Variants in PTPRQ observed in about 807,000 individuals in gnomAD.
PTPRQ encodes phosphatidylinositol phosphatase PTPRQ.
Under a neutral mutation model 246.0 loss-of-function variants are expected in PTPRQ, and 199 were observed. The ratio of observed to expected loss-of-function variants is 0.81; its 90% CI spans 0.72 to 0.91. PTPRQ has a LOEUF of 0.91. PTPRQ is among the 40% of genes least tolerant of loss of function. The probability of loss-of-function intolerance (pLI) is 0.00; values close to 1 mark genes in which losing one functional copy is unlikely to be tolerated. For synonymous variants in PTPRQ, 869 were observed against 853.2 expected (o/e 1.02, Z -0.32); for missense variants, 2,624 against 2,528.4 (o/e 1.04, Z -0.81).
chr12:80,574,994 T>A (rs1897246213), intron 25 of PTPRQ, among the ~76,000 whole-genome samples: 1 of 152,098 alleles, frequency 6.6e-6, no homozygotes. Flanking sequence ...ATAGCTGCGT[T>A]TTTTTTCCTT....
At chr12:80,477,079 G>A (rs1271048689) in intron 8 of PTPRQ, among the ~76,000 whole-genome samples, 1 of 152,142 alleles carries the variant, frequency 6.6e-6, no homozygotes, top group African/African-American at 2.4e-5. Flanking sequence ...GTCACTCTTA[G>A]TGACTTTACA....
At position 80,563,679 on chromosome 12, in the gene PTPRQ, C is replaced by A. The variant is rs115082300; in HGVS notation, c.4285+13945C>A. Among the ~76,000 whole-genome samples, 1,020 of 152,234 alleles carry A rather than the reference C, an allele frequency of 6.7e-3. 12 individuals are homozygous for A. Among genetic ancestry groups the A allele is most frequent in the African/African-American group, 0.023 (971 of 41,532 alleles). On this transcript the variant is annotated intron_variant, in intron 25 of 44. Coordinates refer to ENST00000644991, the MANE Select transcript of PTPRQ (RefSeq NM_001145026.2). ...GGATTTCTCCTTGCTCCTGGGTTAG[C>A]TTGGGATTTTTGGCTCCCTACTAAG...
chr12:80,464,990 G>A (rs1893337350), intron 6 of PTPRQ, among the ~76,000 whole-genome samples: 1 of 74,370 alleles, frequency 1.3e-5, no homozygotes, highest in African/African-American at 5.5e-5. Flanking sequence ...CAGAAGGCAA[G>A]AAATAACTAA....
intron 24 of PTPRQ, among the ~76,000 whole-genome samples, chr12:80,548,576 C>T (rs943136352): frequency 7.0e-4 from 106 of 152,184 alleles, no homozygotes; most frequent in African/African-American, 2.4e-3. Flanking sequence ...CAGGGATCAC[C>T]TGAGTATTCT....
At chr12:80,514,162 C>G (rs966576906) in intron 17 of PTPRQ, among the ~76,000 whole-genome samples, 2 of 151,956 alleles carry the variant, frequency 1.3e-5, no homozygotes, top group Non-Finnish European at 2.9e-5. Context: ...ACTCTTTTTT[C>G]GTAGTGCAAA....
intron 25 of PTPRQ, among the ~76,000 whole-genome samples, chr12:80,556,170 G>A (rs983977614): frequency 6.6e-6 from 1 of 152,040 alleles, no homozygotes; most frequent in African/African-American, 2.4e-5. Context: ...TGGGACTACA[G>A]GCCTGTGCCA....
At chr12:80,566,837 G>T (rs1238977692) in intron 25 of PTPRQ, among the ~76,000 whole-genome samples, 1 of 152,082 alleles carries the variant, frequency 6.6e-6, no homozygotes, top group African/African-American at 2.4e-5. Context: ...ACTGTGACTG[G>T]CCTACTTTAA....
At chr12:80,512,544 C>A (rs1895153901) in intron 17 of PTPRQ, 1 of 152,088 alleles carries the variant, frequency 6.6e-6, no homozygotes, top group African/African-American at 2.4e-5. Flanking sequence ...TACATTACAC[C>A]ACCTCTTAAG....
chr12:80,569,474 G>A (rs1897080066), intron 25 of PTPRQ, among the ~76,000 whole-genome samples: 1 of 150,824 alleles, frequency 6.6e-6, no homozygotes, highest in Admixed American at 6.6e-5. Context: ...CACCAGCATG[G>A]CACATGTATA....
At chr12:80,447,178 T>C (rs1892580444) in intron 3 of PTPRQ, among the ~76,000 whole-genome samples, 1 of 152,126 alleles carries the variant, frequency 6.6e-6, no homozygotes. Flanking sequence ...ATTTTTTATA[T>C]ACTTACTGGC....
At chr12:80,514,293 G>C (rs4326866) in intron 17 of PTPRQ, among the ~76,000 whole-genome samples, 75,747 of 150,204 alleles carry the variant, frequency 0.5, 23,059 homozygotes, top group Non-Finnish European at 0.67. Flanking sequence ...CTCTGTGGTC[G>C]CAAATAATCC....
intron 14 of PTPRQ, among the ~76,000 whole-genome samples, chr12:80,497,064 T>C (rs1417707024): frequency 6.6e-6 from 1 of 151,940 alleles, no homozygotes; most frequent in Non-Finnish European, 1.5e-5. Context: ...ACCAGTTTCA[T>C]GGAAGACAAT....
At chr12:80,640,235 T>C (rs1272035089) in intron 35 of PTPRQ, among the ~76,000 whole-genome samples, 1 of 152,196 alleles carries the variant, frequency 6.6e-6, no homozygotes, top group Non-Finnish European at 1.5e-5. Flanking sequence ...AGTGATGGCA[T>C]TTAATGTTGA....
In PTPRQ at chr12:80,604,482, G is replaced by C. The variant is rs577232726; in HGVS notation, c.4610-577G>C. Among the ~76,000 whole-genome samples, 32 of 151,654 alleles carry C rather than the reference G, an allele frequency of 2.1e-4. No individual in the cohort carries two copies. The South Asian group carries it at 6.6e-3, about 31-fold the overall frequency. ...TAGAACAAATTAAAGAATTTAATTG[G>C]AGTCATAAGGAATTCAAGAAATATT... On this transcript the variant is annotated intron_variant, in intron 26 of 44. Coordinates refer to ENST00000644991, the MANE Select transcript of PTPRQ (RefSeq NM_001145026.2).
intron 3 of PTPRQ, among the ~76,000 whole-genome samples, chr12:80,449,095 T>C (rs1344132526): frequency 6.6e-6 from 1 of 151,610 alleles, no homozygotes; most frequent in Non-Finnish European, 1.5e-5. Context: ...TATCTCATTG[T>C]GGTTTTGATT....
intron 17 of PTPRQ, among the ~76,000 whole-genome samples, chr12:80,520,500 T>C (rs1485335394): frequency 1.6e-5 from 2 of 128,960 alleles, no homozygotes; most frequent in Admixed American, 7.9e-5. Context: ...CCTAATGCTA[T>C]CCCTCCCCCC....
At chr12:80,541,512 G>T in intron 20 of PTPRQ, 43 bp from the exon 21 acceptor site, 2 of 1,388,538 alleles carry the variant, frequency 1.4e-6, no homozygotes, top group South Asian at 3.9e-5. Context: ...ATTCTGTTTA[G>T]GGTAACTGAT....
At chr12:80,559,684 A>C (rs1477955818) in intron 25 of PTPRQ, among the ~76,000 whole-genome samples, 3 of 152,224 alleles carry the variant, frequency 2.0e-5, no homozygotes, top group African/African-American at 4.8e-5. Flanking sequence ...TAATCAAAAC[A>C]ACCATCAGTG....
chr12:80,590,326 G>A (rs1008649766), intron 26 of PTPRQ, among the ~76,000 whole-genome samples: 1 of 152,038 alleles, frequency 6.6e-6, no homozygotes, highest in Non-Finnish European at 1.5e-5. Flanking sequence ...TACACTGCCA[G>A]ACTGGTCTTT....
Sources: allele counts gnomAD v4.1 joint callset (sites outside exome capture counted in the v4.1 genomes callset), GRCh38; gene constraint gnomAD v4.1.1; transcripts MANE v1.5; gene names NCBI Gene and HGNC (gene_info 2026-07-23, HGNC 2026-07-21).